The following MCTP1 variants were observed in gnomAD, a reference collection of about 807,000 sequenced individuals.
MCTP1 encodes the protein multiple C2 and transmembrane domain-containing protein 1.
MCTP1 carries 69 observed loss-of-function variants against 120.6 expected under a neutral mutation model. The ratio of observed to expected loss-of-function variants is 0.57; its 90% CI spans 0.47 to 0.70. The LOEUF (loss-of-function observed/expected upper bound fraction) is 0.70. Among genes scored for constraint, MCTP1 ranks in the 30% least tolerant of loss-of-function variants. The pLI is 0.00. For synonymous variants in MCTP1, 529 were observed against 493.1 expected, an observed-to-expected ratio of 1.07 and a Z score of -0.96; for missense variants, 1,203 against 1,248.8, an observed-to-expected ratio of 0.96 and a Z score of 0.55.
At chr5:94,872,528 G>A (rs1410594540) in intron 13 of MCTP1, among the ~76,000 whole-genome samples, 2 of 151,926 alleles carry the variant, frequency 1.3e-5, no homozygotes, top group African/African-American at 4.8e-5. Context: ...ATTTTCCTTT[G>A]TTCAGAGTTC....
chr5:94,712,941 G>A (rs1052718041), intron 20 of MCTP1, among the ~76,000 whole-genome samples: 7 of 151,856 alleles, frequency 4.6e-5, no homozygotes, highest in Non-Finnish European at 8.8e-5. Flanking sequence ...CCTATTGGAA[G>A]GATAAATGGC....
chr5:95,051,452 C>G (rs140829999), intron 1 of MCTP1, among the ~76,000 whole-genome samples: 4,226 of 152,228 alleles, frequency 0.028, 76 homozygotes, highest in Non-Finnish European at 0.038. Context: ...TTCTGTCTAC[C>G]TGCTGAGATG....
At chr5:94,761,632 A>G (rs572833604) in intron 19 of MCTP1, among the ~76,000 whole-genome samples, 1 of 152,320 alleles carries the variant, frequency 6.6e-6, no homozygotes, top group South Asian at 2.1e-4. Flanking sequence ...ATGCTACATG[A>G]CATCTATTAG....
At chr5:94,736,844 A>G (rs1764370654) in intron 19 of MCTP1, among the ~76,000 whole-genome samples, 1 of 152,208 alleles carries the variant, frequency 6.6e-6, no homozygotes, top group Non-Finnish European at 1.5e-5. Context: ...TGGAGAGGTC[A>G]CTGCATTATT....
intron 1 of MCTP1, among the ~76,000 whole-genome samples, chr5:95,274,919 C>T (rs1198415127): frequency 6.6e-6 from 1 of 152,154 alleles, no homozygotes; most frequent in Non-Finnish European, 1.5e-5. Flanking sequence ...TGTATAGAGC[C>T]AAATTGCTTG....
intron 2 of MCTP1, among the ~76,000 whole-genome samples, chr5:94,955,379 TCGTACC>T (rs1822310853): frequency 1.3e-5 from 2 of 152,164 alleles, no homozygotes; most frequent in Admixed American, 6.5e-5. Context: ...GAGTCTTTTT[TCGTACC>T]CCAGTGGTAC....
Position 94,900,321 on chromosome 5 carries a change from A to G in MCTP1, c.1653-5486T>C, listed in dbSNP as rs114884766. 6.5e-3 allele frequency among the ~76,000 whole-genome samples: 984 copies of G among 152,314 alleles called. 13 individuals are homozygous for G. Among genetic ancestry groups the G allele is most frequent in the African/African-American group, 0.021 (884 of 41,568 alleles). ...CCTGAAATGCCTCAAGGGCAGGAAC[A>G]ATATCTTATTCTCAGCACGTGGCAC... On this transcript the variant is annotated intron_variant, in intron 10 of 22. Coordinates refer to ENST00000515393, the MANE Select transcript of MCTP1 (RefSeq NM_024717.7).
At chr5:94,952,171 C>CA (rs57358026) in intron 3 of MCTP1, among the ~76,000 whole-genome samples, 893 of 87,740 alleles carry the variant, frequency 0.01, 47 homozygotes, top group East Asian at 0.049. Flanking sequence ...GACTTTGTCG[C>CA]AAAAAAAAAA....
In MCTP1 at chr5:94,710,472, T is replaced by C. The variant is rs114431422; in HGVS notation, c.2830+346A>G. ...AATACAACAGCAAAAAAAGCATATT[T>C]TCCTAAATGCACCATATGGATTGAA... On this transcript the variant is annotated intron_variant, in intron 21 of 22. Transcript: ENST00000515393. The C allele has an allele frequency of 2.2e-4, 45 of 203,872 alleles. 1 individual carries two copies. In the South Asian group the frequency reaches 4.2e-3, roughly 19 times the overall value. 12.6% of individuals were successfully genotyped at this position (203,872 alleles called of 1,614,324 possible).
intron 1 of MCTP1, among the ~76,000 whole-genome samples, chr5:95,278,096 A>AC: frequency 6.6e-6 from 1 of 152,236 alleles, no homozygotes; most frequent in East Asian, 1.9e-4. Context: ...AGAAAAAAAA[A>AC]AAAAAGTTTC....
chr5:94,971,285 T>A (rs551968411), intron 2 of MCTP1, among the ~76,000 whole-genome samples: 1 of 152,122 alleles, frequency 6.6e-6, no homozygotes, highest in Non-Finnish European at 1.5e-5. Context: ...CACCAAAACC[T>A]GTTTCATTAA....
intron 3 of MCTP1, among the ~76,000 whole-genome samples, chr5:94,946,963 A>G (rs1486804408): frequency 6.6e-6 from 1 of 152,170 alleles, no homozygotes; most frequent in African/African-American, 2.4e-5. Flanking sequence ...GTATGTCTGT[A>G]TCCTAGGAAA....
chr5:94,950,125 T>C (rs992017643), intron 3 of MCTP1, among the ~76,000 whole-genome samples: 1 of 152,090 alleles, frequency 6.6e-6, no homozygotes, highest in Admixed American at 6.6e-5. Context: ...TTAGAAAGTA[T>C]ATTTAATACT....
In MCTP1 at chr5:95,024,813, C is replaced by A. The variant is rs370254154; in HGVS notation, c.721-7329G>T. Among the ~76,000 whole-genome samples, 60 of 152,084 alleles carry A rather than the reference C, an allele frequency of 3.9e-4. 1 individual carries two copies. In the East Asian group the frequency reaches 0.011, roughly 29 times the overall value. ...CTATCTGAAAAAGAAATTAAGAAAA[C>A]AATCCTATTTACAATATCATAAAAA... On this transcript the variant is annotated intron_variant, in intron 1 of 22. Transcript: ENST00000515393.
chr5:94,867,909 A>T (rs773268148), intron 17 of MCTP1: 4 of 157,600 alleles, frequency 2.5e-5, no homozygotes, highest in Non-Finnish European at 5.6e-5. Flanking sequence ...CATTGGTAGC[A>T]TTCTACTACC....
rs376149353 is a variant in MCTP1 at position 94,720,080 on chromosome 5, C to T, written c.2611-5194G>A. Among the ~76,000 whole-genome samples, 464 of 151,878 alleles carry T rather than the reference C, an allele frequency of 3.1e-3. 3 individuals are homozygous for T. The highest frequency in any genetic ancestry group is 0.014 in the Middle Eastern group (4 of 294). The stretch of plus-strand genomic sequence containing the variant: ...GGCAGAGGTTGCGGTGAGCTGAGAT[C>T]GCGCCATTGCACTCCAGCCTGGGCA... On this transcript the variant is annotated intron_variant, in intron 19 of 22. Coordinates refer to ENST00000515393, the MANE Select transcript of MCTP1 (RefSeq NM_024717.7).
intron 17 of MCTP1, among the ~76,000 whole-genome samples, chr5:94,828,967 G>A (rs1292905642): frequency 6.6e-6 from 1 of 151,936 alleles, no homozygotes; most frequent in Non-Finnish European, 1.5e-5. Context: ...TCTCTCTGGT[G>A]TTCCAGGAGA....
At chr5:95,225,148 C>A (rs1339561526) in intron 1 of MCTP1, among the ~76,000 whole-genome samples, 1 of 152,054 alleles carries the variant, frequency 6.6e-6, no homozygotes, top group African/African-American at 2.4e-5. Flanking sequence ...TGTCTCATAC[C>A]AGTAGAATAA....
chr5:94,798,893 C>T (rs903517921), intron 18 of MCTP1, 120 bp downstream of exon 18: 7 of 1,059,716 alleles, frequency 6.6e-6, no homozygotes, highest in Middle Eastern at 2.6e-4. Context: ...AAACTTTCCT[C>T]TAAACTTGAG....
Sources: allele counts gnomAD v4.1 joint callset (sites outside exome capture counted in the v4.1 genomes callset), GRCh38; gene constraint gnomAD v4.1.1; transcripts MANE v1.5; gene names NCBI Gene and HGNC (gene_info 2026-07-23, HGNC 2026-07-21).